Variants in PLEKHB2 observed in about 807,000 individuals in gnomAD.
The protein encoded by PLEKHB2 is pleckstrin homology domain containing B2.
Under a neutral mutation model 36.5 loss-of-function variants are expected in PLEKHB2, and 31 were observed. The observed-to-expected ratio is 0.85, with a 90% CI of 0.64 to 1.15. PLEKHB2 has a LOEUF of 1.15. Among genes scored for constraint, PLEKHB2 ranks in the 50% most tolerant of loss-of-function variants. PLEKHB2 has a pLI of 0.00. For synonymous variants in PLEKHB2, 119 were observed against 112.0 expected, an observed-to-expected ratio of 1.06 and a Z score of -0.39; for missense variants, 262 against 295.3, an observed-to-expected ratio of 0.89 and a Z score of 0.83.
At chr2:131,122,048 G>A (rs1235740532) in intron 2 of PLEKHB2, among the ~76,000 whole-genome samples, 5 of 151,900 alleles carry the variant, frequency 3.3e-5, no homozygotes, top group African/African-American at 9.7e-5. Context: ...ACAGGCGCAC[G>A]CCACCATGCC....
At chr2:131,144,575 T>C (rs1699098181) in intron 7 of PLEKHB2, 1 of 389,124 alleles carries the variant, frequency 2.6e-6, no homozygotes, top group South Asian at 1.4e-4. Flanking sequence ...ATTTAGTTTT[T>C]CCTGTAGTAT....
rs191775620 is a variant in PLEKHB2 at position 131,137,242 on chromosome 2, C to T, written c.424-2925C>T. Among the ~76,000 whole-genome samples the T allele has an allele frequency of 7.9e-5, 12 of 152,304 alleles. No homozygotes were observed. The East Asian group carries it at 9.7e-4, about 12-fold the overall frequency. Reference sequence around the variant, plus strand: ...GATTACAGGCGTGAGCCACTGTGCCCGGCCTCTTTTTACTTTTTTTGGCCT... The same window carrying T: ...GATTACAGGCGTGAGCCACTGTGCCTGGCCTCTTTTTACTTTTTTTGGCCT... On this transcript the variant is annotated intron_variant, in intron 6 of 7. Coordinates refer to ENST00000693505, the MANE Select transcript of PLEKHB2 (RefSeq NM_001100623.2).
At chr2:131,110,162 A>T (rs767245799) in intron 1 of PLEKHB2, among the ~76,000 whole-genome samples, 1 of 152,108 alleles carries the variant, frequency 6.6e-6, no homozygotes, top group South Asian at 2.1e-4. Context: ...TAAAATTGCT[A>T]TTGATTTACA....
rs1423757925 is a variant in PLEKHB2 at position 131,146,943 on chromosome 2, T to A, written c.*170T>A. ...CCACATAAGTACCACAGAGAAGGGT[T>A]TGAACTGTGCTATTTTGTTCAAATG... is the stretch of plus-strand genomic sequence containing the variant. On this transcript the variant is annotated 3_prime_UTR_variant, in exon 8 of 8. Transcript: ENST00000693505. 3.6e-6 allele frequency: 2 copies of A among 558,992 alleles called. No homozygotes were observed. Among genetic ancestry groups the A allele is most frequent in the Non-Finnish European group, 6.0e-6 (2 of 332,312 alleles). 34.6% of individuals were successfully genotyped at this position (558,992 alleles called of 1,614,324 possible).
intron 6 of PLEKHB2, among the ~76,000 whole-genome samples, chr2:131,134,670 G>T (rs1225977341): frequency 6.6e-6 from 1 of 151,984 alleles, no homozygotes; most frequent in Non-Finnish European, 1.5e-5. Context: ...CACCCTCTTT[G>T]TTCCTTTTTG....
Position 131,147,665 on chromosome 2 carries a change from G to T in PLEKHB2, c.*892G>T, listed in dbSNP as rs1699394431. On this transcript the variant is annotated 3_prime_UTR_variant, in exon 8 of 8. Coordinates refer to ENST00000693505, the MANE Select transcript of PLEKHB2 (RefSeq NM_001100623.2). ...TACAAAAAATTAGCTGGGCGTGGTGGCAGGCGCCTGTGGTCCCAGCTACTC... is the reference window on the plus strand; with the variant it reads ...TACAAAAAATTAGCTGGGCGTGGTGTCAGGCGCCTGTGGTCCCAGCTACTC... The T allele has an allele frequency of 6.6e-6, 1 of 152,230 alleles. No individual in the cohort carries two copies. The highest frequency in any genetic ancestry group is 1.5e-5 in the Non-Finnish European group (1 of 68,164). The allele number at this position is 152,230 out of a possible 1,614,324, so 9.4% of individuals were successfully genotyped here.
chr2:131,115,192 CTT>C (rs927486854), intron 1 of PLEKHB2, among the ~76,000 whole-genome samples: 1 of 152,080 alleles, frequency 6.6e-6, no homozygotes, highest in Non-Finnish European at 1.5e-5. Context: ...TCTTGTGAGA[CTT>C]ATTCACTACC....
intron 6 of PLEKHB2, among the ~76,000 whole-genome samples, chr2:131,136,925 TTC>T (rs1355868747): frequency 6.6e-6 from 1 of 151,448 alleles, no homozygotes; most frequent in Non-Finnish European, 1.5e-5. Context: ...AACATCTTTT[TTC>T]TTTTTTTCTT....
intron 6 of PLEKHB2, among the ~76,000 whole-genome samples, chr2:131,135,696 C>T (rs756987500): frequency 4.7e-4 from 71 of 152,166 alleles, no homozygotes; most frequent in Non-Finnish European, 8.8e-4. Context: ...CTCCGCCTCC[C>T]GGGTTCACAC....
Position 131,126,775 on chromosome 2 carries a change from A to G in PLEKHB2, c.282A>G (p.Thr94=). The G allele has an allele frequency of 1.3e-6, 2 of 1,578,202 alleles. No homozygotes were observed. The highest frequency in any genetic ancestry group is 1.7e-6 in the Non-Finnish European group (2 of 1,147,520). The change falls in exon 4 of 8, where the codon ACA becomes ACG. Residue 94 remains threonine (T), a synonymous_variant. Transcript: ENST00000693505. The stretch of plus-strand genomic sequence containing the variant: ...CAATTAGTCTTTGTGCAGAAAGCAC[A>G]GATGATTGCTTGTAAGTTTTGCTTT... ...GKTISLCAES[T]DDCLAWKFTL... is the part of the protein sequence containing the mutation.
intron 2 of PLEKHB2, among the ~76,000 whole-genome samples, chr2:131,122,318 A>G (rs903937549): frequency 7.9e-5 from 12 of 152,206 alleles, no homozygotes; most frequent in African/African-American, 2.9e-4. Flanking sequence ...AAAAGTGACT[A>G]CCATGTCATT....
chr2:131,118,661 C>G (rs372602521), intron 1 of PLEKHB2, among the ~76,000 whole-genome samples: 1 of 150,762 alleles, frequency 6.6e-6, no homozygotes, highest in Non-Finnish European at 1.5e-5. Context: ...GTCAGGAGAT[C>G]GAGACCATCC....
intron 7 of PLEKHB2, among the ~76,000 whole-genome samples, chr2:131,142,943 A>AT (rs1440039337): frequency 6.6e-6 from 1 of 151,988 alleles, no homozygotes; most frequent in Non-Finnish European, 1.5e-5. Context: ...TGACTTAATG[A>AT]TTTTTTGACT....
intron 4 of PLEKHB2, among the ~76,000 whole-genome samples, chr2:131,128,683 C>A (rs1468975922): frequency 1.3e-5 from 2 of 152,064 alleles, no homozygotes; most frequent in African/African-American, 2.4e-5. Context: ...AAAAGTGAAT[C>A]ATTGGCATGG....
chr2:131,122,994 C>A (rs1573562601), intron 2 of PLEKHB2, among the ~76,000 whole-genome samples: 1 of 152,172 alleles, frequency 6.6e-6, no homozygotes, highest in Non-Finnish European at 1.5e-5. Context: ...GGCAAGCTTT[C>A]CCTTTTCCAC....
chr2:131,116,295 G>C (rs1008079993), intron 1 of PLEKHB2, among the ~76,000 whole-genome samples: 1 of 152,062 alleles, frequency 6.6e-6, no homozygotes, highest in Non-Finnish European at 1.5e-5. Flanking sequence ...CATCCCTTGA[G>C]ACTCAACTGC....
intron 5 of PLEKHB2, among the ~76,000 whole-genome samples, chr2:131,131,488 G>A (rs960676785): frequency 2.6e-5 from 4 of 152,096 alleles, no homozygotes; most frequent in African/African-American, 7.2e-5. Flanking sequence ...GTAGAGCCTC[G>A]TAATGCTGTC....
chr2:131,112,927 C>G (rs1191559603), intron 1 of PLEKHB2, among the ~76,000 whole-genome samples: 1 of 152,098 alleles, frequency 6.6e-6, no homozygotes, highest in Non-Finnish European at 1.5e-5. Flanking sequence ...TGACTTAAAG[C>G]TAGTTGATCA....
intron 7 of PLEKHB2, among the ~76,000 whole-genome samples, chr2:131,145,296 T>G (rs562260401): frequency 2.8e-4 from 42 of 152,312 alleles, no homozygotes; most frequent in African/African-American, 1.0e-3. Flanking sequence ...TCACTTCTGC[T>G]CTTCATCCAC....
Sources: gnomAD v4.1 joint callset for allele counts (sites outside exome capture counted in the v4.1 genomes callset) on GRCh38, gnomAD v4.1.1 for gene constraint, MANE v1.5 for transcripts, NCBI Gene and HGNC (gene_info 2026-07-23, HGNC 2026-07-21) for gene names.